PPFIA2: variants seen among roughly 807,000 people sequenced by gnomAD.
The protein encoded by PPFIA2 is liprin-alpha-2.
Under a neutral mutation model 175.5 loss-of-function variants are expected in PPFIA2, and 46 were observed. That is an observed-to-expected ratio of 0.26 (90% CI 0.21 to 0.34). The LOEUF (loss-of-function observed/expected upper bound fraction) is 0.34. PPFIA2 is among the 10% of genes least tolerant of loss of function. The pLI, the probability that PPFIA2 is intolerant of heterozygous loss-of-function variation, is 1.00. For missense variants in PPFIA2, 1,179 were observed against 1,506.1 expected (o/e 0.78, Z 3.60); for synonymous variants, 568 against 511.4 (o/e 1.11, Z -1.49).
At chr12:81,587,347 C>T (rs1181711957) in intron 4 of PPFIA2, among the ~76,000 whole-genome samples, 2 of 151,960 alleles carry the variant, frequency 1.3e-5, no homozygotes, top group Admixed American at 6.6e-5. Flanking sequence ...CACACTTTCT[C>T]TCTCTTGCCT....
At chr12:81,343,529 T>TA (rs61444839) in intron 19 of PPFIA2, among the ~76,000 whole-genome samples, 3 of 152,002 alleles carry the variant, frequency 2.0e-5, no homozygotes, top group Non-Finnish European at 2.9e-5. Context: ...TTATTTTTTT[T>TA]AAAAAAAGGA....
rs558635724 is a variant in PPFIA2 at position 81,655,553 on chromosome 12, G to C, written c.303+21238C>G. Reference sequence around the variant, plus strand: ...ACTTGAATTATTTTTTGGCCAATGGGTTAATTAGAAGTGTCTATCTTGTTT... The same window carrying C: ...ACTTGAATTATTTTTTGGCCAATGGCTTAATTAGAAGTGTCTATCTTGTTT... On this transcript the variant is annotated intron_variant, in intron 4 of 32. Coordinates refer to ENST00000549396, the MANE Select transcript of PPFIA2 (RefSeq NM_003625.5). 5.3e-5 allele frequency among the ~76,000 whole-genome samples: 8 copies of C among 151,952 alleles called. No homozygotes were observed. In the South Asian group the frequency reaches 1.0e-3, roughly 20 times the overall value.
chr12:81,555,221 A>G (rs1204603796), intron 4 of PPFIA2, among the ~76,000 whole-genome samples: 1 of 151,962 alleles, frequency 6.6e-6, no homozygotes, highest in Non-Finnish European at 1.5e-5. Context: ...GTATTTGACA[A>G]CCTTTTTAAT....
chr12:81,317,788 C>A (rs962733099), intron 22 of PPFIA2, among the ~76,000 whole-genome samples: 3 of 151,544 alleles, frequency 2.0e-5, no homozygotes, highest in Non-Finnish European at 3.0e-5. Context: ...GTTAAAAATT[C>A]AAAGATTCTC....
intron 17 of PPFIA2, among the ~76,000 whole-genome samples, chr12:81,351,454 T>C (rs1383990450): frequency 6.6e-6 from 1 of 152,100 alleles, no homozygotes; most frequent in Non-Finnish European, 1.5e-5. Flanking sequence ...AGCATTAATA[T>C]GTGAAAAATG....
chr12:81,712,598 A>G (rs2078085999), intron 3 of PPFIA2, among the ~76,000 whole-genome samples: 1 of 151,192 alleles, frequency 6.6e-6, no homozygotes, highest in Non-Finnish European at 1.5e-5. Flanking sequence ...TGGTGTTTTT[A>G]GTCATGACTA....
At chr12:81,608,904 T>C (rs2060605807) in intron 4 of PPFIA2, among the ~76,000 whole-genome samples, 1 of 152,034 alleles carries the variant, frequency 6.6e-6, no homozygotes, top group Non-Finnish European at 1.5e-5. Flanking sequence ...TTGAACTCTT[T>C]CTAACTTTTT....
intron 3 of PPFIA2, among the ~76,000 whole-genome samples, chr12:81,678,283 A>G (rs1242156828): frequency 6.6e-6 from 1 of 151,906 alleles, no homozygotes; most frequent in African/African-American, 2.4e-5. Flanking sequence ...ATATTTTGAT[A>G]TAATTAAGAG....
At chr12:81,580,859 T>TA (rs1567428653) in intron 4 of PPFIA2, among the ~76,000 whole-genome samples, 2 of 151,888 alleles carry the variant, frequency 1.3e-5, no homozygotes, top group Non-Finnish European at 2.9e-5. Context: ...TTTGTTCACC[T>TA]AAAAAAGTGT....
chr12:81,399,325 G>A (rs529184725), intron 8 of PPFIA2, among the ~76,000 whole-genome samples: 1 of 137,884 alleles, frequency 7.3e-6, no homozygotes, highest in African/African-American at 2.7e-5. Context: ...AAAATTCTGA[G>A]TACCTCAAAT....
chr12:81,657,041 G>GA (rs974915992), intron 4 of PPFIA2, among the ~76,000 whole-genome samples: 13 of 151,972 alleles, frequency 8.6e-5, no homozygotes, highest in Non-Finnish European at 1.9e-4. Context: ...AATGTTAAGT[G>GA]AAAAAAATGC....
intron 4 of PPFIA2, among the ~76,000 whole-genome samples, chr12:81,636,027 CCTA>C (rs1567659980): frequency 6.6e-6 from 1 of 152,094 alleles, no homozygotes; most frequent in African/African-American, 2.4e-5. Context: ...AATCTCTACA[CCTA>C]CTTAGATTTC....
chr12:81,392,745 A>G (rs190934669), intron 8 of PPFIA2, among the ~76,000 whole-genome samples: 11 of 152,082 alleles, frequency 7.2e-5, no homozygotes, highest in Admixed American at 5.3e-4. Context: ...TCCAAACTCA[A>G]TATGTTTAAA....
chr12:81,497,724 A>G (rs1474913895), intron 4 of PPFIA2, among the ~76,000 whole-genome samples: 1 of 151,790 alleles, frequency 6.6e-6, no homozygotes, highest in Non-Finnish European at 1.5e-5. Flanking sequence ...TTTTTAGTAG[A>G]GACAGGGTTT....
chr12:81,725,120 T>G (rs955741540), intron 3 of PPFIA2, among the ~76,000 whole-genome samples: 1 of 150,972 alleles, frequency 6.6e-6, no homozygotes, highest in Non-Finnish European at 1.5e-5. Context: ...GCAAATTGCC[T>G]ATATAATTAA....
chr12:81,482,479 G>A (rs973590666), intron 4 of PPFIA2, among the ~76,000 whole-genome samples: 6 of 152,158 alleles, frequency 3.9e-5, no homozygotes, highest in African/African-American at 7.2e-5. Context: ...CAAAGGCTTG[G>A]AACCCACCCA....
chr12:81,493,286 T>C (rs1325851540), intron 4 of PPFIA2, among the ~76,000 whole-genome samples: 1 of 151,914 alleles, frequency 6.6e-6, no homozygotes, highest in Non-Finnish European at 1.5e-5. Context: ...TCAGCCCAAA[T>C]TGCTAAAGGT....
intron 22 of PPFIA2, among the ~76,000 whole-genome samples, chr12:81,317,329 A>G (rs1284586062): frequency 2.0e-5 from 3 of 151,548 alleles, no homozygotes; most frequent in African/African-American, 7.2e-5. Flanking sequence ...GCCATTTGAA[A>G]TTAATCCTAG....
chr12:81,561,527 G>A (rs1447953734), intron 4 of PPFIA2, among the ~76,000 whole-genome samples: 5 of 152,114 alleles, frequency 3.3e-5, no homozygotes, highest in African/African-American at 1.2e-4. Flanking sequence ...CAAAAAAAAC[G>A]TTAAGCAAAT....
Sources: allele counts gnomAD v4.1 joint callset (sites outside exome capture counted in the v4.1 genomes callset), GRCh38; gene constraint gnomAD v4.1.1; transcripts MANE v1.5; gene names NCBI Gene and HGNC (gene_info 2026-07-23, HGNC 2026-07-21).